The following ANXA7 variants were observed in gnomAD, a reference collection of about 807,000 sequenced individuals.
ANXA7 encodes the protein annexin A7, also known as annexin VII.
In ANXA7, 55 loss-of-function variants were observed where a neutral mutation model predicts 64.9. The ratio of observed to expected loss-of-function variants is 0.85; its 90% CI spans 0.68 to 1.06. ANXA7 has a LOEUF of 1.06. Among genes scored for constraint, ANXA7 ranks in the 50% least tolerant of loss-of-function variants. The pLI is 0.00. For missense variants in ANXA7, 548 were observed against 582.1 expected (o/e 0.94, Z 0.60); for synonymous variants, 200 against 192.4 (o/e 1.04, Z -0.33).
At chr10:73,401,066 C>T (rs890002852) in intron 1 of ANXA7, among the ~76,000 whole-genome samples, 7 of 152,006 alleles carry the variant, frequency 4.6e-5, no homozygotes, top group African/African-American at 1.7e-4. Flanking sequence ...CCACCATGCC[C>T]AGCTAATTTT....
rs769846499 is a variant in ANXA7, at chr10:73,400,863, A to G, written c.-1-6T>C. On this transcript the variant is annotated splice_polypyrimidine_tract_variant and splice_region_variant and intron_variant, in intron 1 of 12. Coordinates refer to ENST00000372921, the MANE Select transcript of ANXA7 (RefSeq NM_001156.5). ...GATAGCCTGGGTATGACATTCTGTA[A>G]CAACAATAAAAAATGTCCTCTGTAA... 5 of 1,591,002 alleles carry G rather than the reference A, an allele frequency of 3.1e-6. No individual in the cohort carries two copies. The highest frequency in any genetic ancestry group is 4.3e-6 in the Non-Finnish European group (5 of 1,169,086).
intron 1 of ANXA7, among the ~76,000 whole-genome samples, chr10:73,402,941 C>T (rs984001669): frequency 5.3e-5 from 8 of 152,022 alleles, no homozygotes; most frequent in African/African-American, 1.4e-4. Context: ...TCTCCTGCCT[C>T]AGCCTCCCAA....
intron 2 of ANXA7, among the ~76,000 whole-genome samples, chr10:73,399,944 C>A (rs1484393823): frequency 6.6e-6 from 1 of 152,114 alleles, no homozygotes; most frequent in Non-Finnish European, 1.5e-5. Flanking sequence ...GAGTTTGAGA[C>A]AAGCCTGGCC....
intron 7 of ANXA7, among the ~76,000 whole-genome samples, chr10:73,384,923 G>A (rs1336444552): frequency 2.6e-5 from 4 of 152,000 alleles, no homozygotes; most frequent in African/African-American, 9.7e-5. Flanking sequence ...AAGGAACAGA[G>A]AAGGGGTTCC....
At chr10:73,398,594 T>A (rs536951168) in intron 2 of ANXA7, among the ~76,000 whole-genome samples, 24 of 152,156 alleles carry the variant, frequency 1.6e-4, no homozygotes, top group Non-Finnish European at 3.1e-4. Flanking sequence ...TAAATTTAAT[T>A]CTACTTGAGT....
At chr10:73,394,774 G>A (rs1455457186) in intron 5 of ANXA7, among the ~76,000 whole-genome samples, 1 of 152,118 alleles carries the variant, frequency 6.6e-6, no homozygotes, top group Non-Finnish European at 1.5e-5. Context: ...ACGAGTTAAC[G>A]GGTGCAGCAC....
Position 73,396,543 on chromosome 10 carries a change from T to G in ANXA7, c.411A>C (p.Gly137=). The G allele has an allele frequency of 6.2e-7, 1 of 1,611,102 alleles. No homozygotes were observed. The change falls in exon 5 of 13, where the codon GGA becomes GGC. Residue 137 remains glycine (G), a synonymous_variant. Coordinates refer to ENST00000372921, the MANE Select transcript of ANXA7 (RefSeq NM_001156.5). ...CCTGACTAGGGTAAGTAGGTTGTCC[T>G]CCAGGATACTGAGAAGGCATCTGTC... The part of the protein sequence containing the change: ...PGGQMPSQYP[G]GQPTYPSQPA...
At chr10:73,387,566 C>G (rs1012602742) in intron 7 of ANXA7, 123 bp downstream of exon 7, 1 of 767,152 alleles carries the variant, frequency 1.3e-6, no homozygotes, top group Non-Finnish European at 2.3e-6. Context: ...CCCTTGAGGT[C>G]TCTAAAGTCT....
At position 73,383,322 on chromosome 10, in the gene ANXA7, T is replaced by C. The variant is rs144506619; in HGVS notation, c.771A>G (p.Val257=). The change falls in exon 9 of 13, where the codon GTA becomes GTG. Residue 257 remains valine, a synonymous_variant. Coordinates refer to ENST00000372921, the MANE Select transcript of ANXA7 (RefSeq NM_001156.5). The part of the protein sequence containing the change: ...AMQGAGTQER[V]LIEILCTRTN... Reference sequence around the variant, plus strand: ...TTCTTGTGCACAAAATCTCAATCAATACACGTTCCTGAGTTCCTGCTCCCT... The same window carrying C: ...TTCTTGTGCACAAAATCTCAATCAACACACGTTCCTGAGTTCCTGCTCCCT... The C allele has an allele frequency of 3.6e-5, 58 of 1,613,764 alleles. No homozygotes were observed. The African/African-American group carries it at 7.2e-4, about 20-fold the overall frequency.
At chr10:73,401,707 G>A (rs1450523918) in intron 1 of ANXA7, among the ~76,000 whole-genome samples, 1 of 152,044 alleles carries the variant, frequency 6.6e-6, no homozygotes, top group Non-Finnish European at 1.5e-5. Flanking sequence ...TCACCATGTT[G>A]GCCAGGCCGG....
At chr10:73,382,434 C>T (rs999071815) in intron 9 of ANXA7, among the ~76,000 whole-genome samples, 4 of 152,104 alleles carry the variant, frequency 2.6e-5, no homozygotes, top group Non-Finnish European at 1.5e-5. Context: ...CCTCAATCTC[C>T]TGGGCTCAAG....
chr10:73,379,969 A>G lies in ANXA7; in HGVS notation c.1090-15T>C, dbSNP rs1385529510. On this transcript the variant is annotated splice_polypyrimidine_tract_variant and intron_variant, in intron 10 of 12. Coordinates refer to ENST00000372921, the MANE Select transcript of ANXA7 (RefSeq NM_001156.5). ...CGATTAGCCATCTGCAAACAAAATT[A>G]AAGGGTTAAATATTTTTGTATCTTA... is the stretch of plus-strand genomic sequence containing the variant. 7 of 1,613,396 alleles carry G rather than the reference A, an allele frequency of 4.3e-6. No individual in the cohort carries two copies. The African/African-American group carries it at 9.4e-5, about 22-fold the overall frequency.
At chr10:73,413,012 A>G (rs1415520325) in intron 1 of ANXA7, among the ~76,000 whole-genome samples, 1 of 152,130 alleles carries the variant, frequency 6.6e-6, no homozygotes. Context: ...AGGGTGACTG[A>G]AGATACGCGC....
rs761024979 is a variant in ANXA7 at position 73,388,417 on chromosome 10, G to A, written c.436-3C>T. On this transcript the variant is annotated splice_region_variant and splice_polypyrimidine_tract_variant and intron_variant, in intron 5 of 12. Coordinates refer to ENST00000372921, the MANE Select transcript of ANXA7 (RefSeq NM_001156.5). ...GTGACCTGAGTCACTGTGGCAGGCT[G>A]AAAATAAAAGGCATAAAATCCGTGT... is the stretch of plus-strand genomic sequence containing the variant. The A allele has an allele frequency of 1.6e-5, 26 of 1,607,580 alleles. No homozygotes were observed. The highest frequency in any genetic ancestry group is 2.1e-5 in the Non-Finnish European group (25 of 1,174,616).
chr10:73,395,132 G>C (rs753033740), intron 5 of ANXA7, among the ~76,000 whole-genome samples: 1 of 152,216 alleles, frequency 6.6e-6, no homozygotes, highest in Non-Finnish European at 1.5e-5. Context: ...TTGTATAAGA[G>C]AGAGACCGCT....
At chr10:73,389,845 G>A (rs905027906) in intron 5 of ANXA7, among the ~76,000 whole-genome samples, 6 of 152,232 alleles carry the variant, frequency 3.9e-5, no homozygotes, top group East Asian at 1.9e-4. Context: ...GGCTGGTATC[G>A]AATTCTTGGC....
In ANXA7 at chr10:73,376,158, TGTGCCCAGA is replaced by T. The variant is rs756075135; in HGVS notation, c.1329_1337del (p.Leu444_Thr446del). 2 of 1,610,048 alleles carry T rather than the reference TGTGCCCAGA, an allele frequency of 1.2e-6. No homozygotes were observed. Among genetic ancestry groups the T allele is most frequent in the Admixed American group, 1.7e-5 (1 of 59,720 alleles). On this transcript the variant is annotated inframe_deletion, in exon 13 of 13. Coordinates refer to ENST00000372921, the MANE Select transcript of ANXA7 (RefSeq NM_001156.5). ...CTCCACTCGTGTCACCTGCAATCAT[TGTGCCCAGA>T]GTCTTCTGATACATCTGAGCGAACA... is the stretch of plus-strand genomic sequence containing the variant.
Position 73,391,586 on chromosome 10 carries a change from T to C in ANXA7, c.436-3172A>G, listed in dbSNP as rs372311483. ...TTGATCACGCCACTGTACTCCAGCC[T>C]GACCCGAGCAGCAGAGTGAGGCCCT... On this transcript the variant is annotated intron_variant, in intron 5 of 12. Transcript: ENST00000372921. Among the ~76,000 whole-genome samples, 8 of 152,254 alleles carry C rather than the reference T, an allele frequency of 5.3e-5. No individual in the cohort carries two copies. The East Asian group carries it at 1.4e-3, about 26-fold the overall frequency.
intron 7 of ANXA7, among the ~76,000 whole-genome samples, chr10:73,386,337 G>A (rs575641357): frequency 1.3e-5 from 2 of 151,504 alleles, no homozygotes; most frequent in African/African-American, 4.9e-5. Flanking sequence ...CATTCAACAA[G>A]TACTAAGTGG....
Sources: allele counts gnomAD v4.1 joint callset (sites outside exome capture counted in the v4.1 genomes callset), GRCh38; gene constraint gnomAD v4.1.1; transcripts MANE v1.5; gene names NCBI Gene and HGNC (gene_info 2026-07-23, HGNC 2026-07-21).